Variants in ZFYVE28 observed in about 807,000 individuals in gnomAD.
The protein encoded by ZFYVE28 is zinc finger FYVE-type containing 28.
ZFYVE28 carries 40 observed loss-of-function variants against 82.1 expected under a neutral mutation model. The observed-to-expected ratio is 0.49, with a 90% confidence interval of 0.38 to 0.63. The LOEUF (loss-of-function observed/expected upper bound fraction) is 0.63. Ranked by LOEUF, ZFYVE28 falls within the 30% of genes least tolerant of loss-of-function variation. ZFYVE28 has a pLI of 0.00. For missense variants in ZFYVE28, 1,321 were observed against 1,242.1 expected (o/e 1.06, Z -0.96); for synonymous variants, 612 against 546.1 (o/e 1.12, Z -1.68).
intron 1 of ZFYVE28, among the ~76,000 whole-genome samples, chr4:2,398,087 C>T: frequency 6.6e-6 from 1 of 152,112 alleles, no homozygotes; most frequent in Admixed American, 6.5e-5. Flanking sequence ...GGCAGCTGTC[C>T]CAACAAGTGC....
At chr4:2,365,235 G>C (rs2108898332) in intron 1 of ZFYVE28, among the ~76,000 whole-genome samples, 1 of 152,218 alleles carries the variant, frequency 6.6e-6, no homozygotes, top group Admixed American at 6.5e-5. Context: ...GGGTTCGAGA[G>C]CGCAGTGCGC....
At chr4:2,369,054 T>C (rs909150015) in intron 1 of ZFYVE28, among the ~76,000 whole-genome samples, 2 of 152,200 alleles carry the variant, frequency 1.3e-5, no homozygotes, top group Non-Finnish European at 2.9e-5. Flanking sequence ...TGACTCTCAT[T>C]TTCCCAATGG....
At chr4:2,391,442 G>A (rs1480055113) in intron 1 of ZFYVE28, among the ~76,000 whole-genome samples, 3 of 144,454 alleles carry the variant, frequency 2.1e-5, no homozygotes, top group Non-Finnish European at 4.5e-5. Flanking sequence ...CTAGCACTTA[G>A]GAGGTCAATT....
In ZFYVE28 at chr4:2,320,528, G is replaced by A. The variant is rs1718927472; in HGVS notation, c.702-257C>T. Among the ~76,000 whole-genome samples the A allele has an allele frequency of 6.6e-6, 1 of 152,230 alleles. No individual in the cohort carries two copies. Among genetic ancestry groups the A allele is most frequent in the African/African-American group, 2.4e-5 (1 of 41,458 alleles). On this transcript the variant is annotated intron_variant, in intron 6 of 12. Transcript: ENST00000290974. This position sits in a 1 kb window ranked among gnomAD's most constrained non-coding sequence, Gnocchi z 5.1. ...TTGTGTTCATTGGAGGGGTCATAAAGTAATCAGAAAAGTGTATCTGCACAC... is the reference window on the plus strand; with the variant it reads ...TTGTGTTCATTGGAGGGGTCATAAAATAATCAGAAAAGTGTATCTGCACAC...
chr4:2,327,253 TA>T (rs1300395993), intron 6 of ZFYVE28, among the ~76,000 whole-genome samples: 1 of 366 alleles, frequency 2.7e-3, no homozygotes, highest in Non-Finnish European at 6.8e-3. Flanking sequence ...CCATCTCAAA[TA>T]TATATATATA....
At chr4:2,281,135 T>A (rs1231614694) in intron 8 of ZFYVE28, among the ~76,000 whole-genome samples, 1 of 151,968 alleles carries the variant, frequency 6.6e-6, no homozygotes, top group Non-Finnish European at 1.5e-5. Context: ...GGAGGGGGAA[T>A]GGGTGGACAG....
chr4:2,415,498 A>T (rs1203491899), intron 1 of ZFYVE28, among the ~76,000 whole-genome samples: 2 of 150,724 alleles, frequency 1.3e-5, no homozygotes. Flanking sequence ...TTATAAAAAG[A>T]AGCTCGCTGT....
intron 1 of ZFYVE28, among the ~76,000 whole-genome samples, chr4:2,393,724 C>T (rs957770040): frequency 6.6e-6 from 1 of 152,222 alleles, no homozygotes; most frequent in Non-Finnish European, 1.5e-5. Context: ...TGCCGCTGCC[C>T]CTCCTCCCGT....
chr4:2,365,183 G>A (rs1726727215), intron 1 of ZFYVE28, among the ~76,000 whole-genome samples: 1 of 151,810 alleles, frequency 6.6e-6, no homozygotes, highest in South Asian at 2.1e-4. Flanking sequence ...GGCGCGGGCG[G>A]CAGGGGTCAG....
intron 1 of ZFYVE28, among the ~76,000 whole-genome samples, chr4:2,399,095 A>AGGGCACAAGCGTGGAGGTGAGATCCC: frequency 3.9e-5 from 1 of 25,430 alleles, no homozygotes; most frequent in Non-Finnish European, 6.8e-5. Flanking sequence ...GGTGAGATCC[A>AGGGCACAAGCGTGGAGGTGAGATCCC]GGGCACAAGC....
At chr4:2,298,753 G>A (rs936092407) in intron 8 of ZFYVE28, among the ~76,000 whole-genome samples, 2 of 152,358 alleles carry the variant, frequency 1.3e-5, no homozygotes, top group Non-Finnish European at 2.9e-5. Flanking sequence ...GACAGTGACA[G>A]GCTCTGAGAC....
chr4:2,274,810 C>T (rs756009242), intron 8 of ZFYVE28, among the ~76,000 whole-genome samples: 47 of 152,212 alleles, frequency 3.1e-4, no homozygotes, highest in African/African-American at 5.8e-4. Flanking sequence ...CATGTGACCA[C>T]GGAGGCTGAG....
At chr4:2,369,850 C>CTTTTTTTT (rs1408650676) in intron 1 of ZFYVE28, among the ~76,000 whole-genome samples, 1 of 61,030 alleles carries the variant, frequency 1.6e-5, no homozygotes, top group African/African-American at 6.0e-5. Context: ...TTTTTCTTTT[C>CTTTTTTTT]TTTTTTTTTT....
chr4:2,329,983 C>T (rs374931049), intron 6 of ZFYVE28, among the ~76,000 whole-genome samples: 3 of 152,024 alleles, frequency 2.0e-5, no homozygotes, highest in East Asian at 3.8e-4. Flanking sequence ...AGGATGCATC[C>T]GTGAATAAGA....
chr4:2,308,849 A>G (rs2108828156), intron 7 of ZFYVE28, among the ~76,000 whole-genome samples: 1 of 152,276 alleles, frequency 6.6e-6, no homozygotes, highest in African/African-American at 2.4e-5. Flanking sequence ...TTTGAGACCA[A>G]CTGATATCTT....
chr4:2,367,340 C>G (rs1406835542), intron 1 of ZFYVE28, among the ~76,000 whole-genome samples: 1 of 151,406 alleles, frequency 6.6e-6, no homozygotes, highest in African/African-American at 2.5e-5. Context: ...ACTGTGCTAG[C>G]AGGGTGCCCC....
In ZFYVE28 at chr4:2,332,455, A is replaced by C. The variant is rs369785019; in HGVS notation, c.701+3250T>G. On this transcript the variant is annotated intron_variant, in intron 6 of 12. Transcript: ENST00000290974. The surrounding 1 kb of genome is among the most constrained non-coding windows in gnomAD (Gnocchi z 4.7). Reference sequence around the variant, plus strand: ...GGCTGCCCTGGGGAGCCTCTCCCTCACGCCTTCAGCTCCTGTCCACCCCAT... The same window carrying C: ...GGCTGCCCTGGGGAGCCTCTCCCTCCCGCCTTCAGCTCCTGTCCACCCCAT... Among the ~76,000 whole-genome samples, 272 of 152,064 alleles carry C rather than the reference A, an allele frequency of 1.8e-3. 3 individuals are homozygous for C. The highest frequency in any genetic ancestry group is 6.0e-3 in the African/African-American group (251 of 41,490).
rs7678167 is a variant in ZFYVE28 at position 2,270,265 on chromosome 4, C to G, written c.*460G>C. On this transcript the variant is annotated 3_prime_UTR_variant, in exon 13 of 13. Transcript: ENST00000290974. ...GGGAGAATGGGTAGCCTGCATTTGA[C>G]GTTTGGGAGGCACATAGGGAGCCCT... 0.059 allele frequency: 10,264 copies of G among 172,730 alleles called. 1,028 individuals are homozygous for G. Among genetic ancestry groups the G allele is most frequent in the African/African-American group, 0.22 (9,025 of 41,796 alleles). The allele number at this position is 172,730 out of a possible 1,614,324, so 10.7% of individuals were successfully genotyped here.
chr4:2,353,314 T>G (rs1021570071), intron 2 of ZFYVE28, among the ~76,000 whole-genome samples: 1 of 152,130 alleles, frequency 6.6e-6, no homozygotes. Flanking sequence ...TGGAGGAGCA[T>G]GTGTCAGGCC....
Sources: allele counts gnomAD v4.1 joint callset (sites outside exome capture counted in the v4.1 genomes callset), GRCh38; gene constraint gnomAD v4.1.1; non-coding constraint Gnocchi (gnomAD v3.1); transcripts MANE v1.5; gene names NCBI Gene and HGNC (gene_info 2026-07-23, HGNC 2026-07-21).